Variants in LRRTM4 observed in about 807,000 individuals in gnomAD.
The protein encoded by LRRTM4 is leucine-rich repeat transmembrane neuronal protein 4.
In LRRTM4, 25 loss-of-function variants were observed where a neutral mutation model predicts 47.6. That is an observed-to-expected ratio of 0.53 (90% CI 0.38 to 0.73). The LOEUF is 0.73. Among genes scored for constraint, LRRTM4 ranks in the 30% least tolerant of loss-of-function variants. The pLI, the probability that LRRTM4 is intolerant of heterozygous loss-of-function variation, is 0.00. For missense variants in LRRTM4, 638 were observed against 713.4 expected (o/e 0.89, Z 1.20); for synonymous variants, 311 against 269.5 (o/e 1.15, Z -1.51).
chr2:77,369,089 A>T (rs11126605), intron 3 of LRRTM4, among the ~76,000 whole-genome samples: 79,747 of 151,482 alleles, frequency 0.53, 21,356 homozygotes, highest in East Asian at 0.86. Flanking sequence ...ACCCTGAAAA[A>T]TAGTGATGTT....
chr2:77,054,379 A>C (rs935557535), intron 3 of LRRTM4, among the ~76,000 whole-genome samples: 1 of 152,240 alleles, frequency 6.6e-6, no homozygotes, highest in Non-Finnish European at 1.5e-5. Flanking sequence ...GTTTTCCAGC[A>C]GCAGCCACTC....
chr2:77,283,984 A>G (rs1400214687), intron 3 of LRRTM4, among the ~76,000 whole-genome samples: 1 of 152,078 alleles, frequency 6.6e-6, no homozygotes, highest in Non-Finnish European at 1.5e-5. Flanking sequence ...TAAAAGTTGA[A>G]AAAAGTTTGA....
At chr2:77,183,939 G>C (rs923284180) in intron 3 of LRRTM4, among the ~76,000 whole-genome samples, 1 of 152,212 alleles carries the variant, frequency 6.6e-6, no homozygotes, top group East Asian at 1.9e-4. Context: ...TCGTGGGTTG[G>C]GGAGAGGGGG....
At chr2:77,285,677 G>A (rs1676635955) in intron 3 of LRRTM4, among the ~76,000 whole-genome samples, 1 of 151,962 alleles carries the variant, frequency 6.6e-6, no homozygotes, top group African/African-American at 2.4e-5. Flanking sequence ...CAGAGGCAGA[G>A]GCTGCAGTGA....
At chr2:77,141,001 G>C (rs1279673119) in intron 3 of LRRTM4, among the ~76,000 whole-genome samples, 1 of 152,148 alleles carries the variant, frequency 6.6e-6, no homozygotes, top group Non-Finnish European at 1.5e-5. Context: ...TGGAGAAATA[G>C]GAACAGTTTT....
intron 3 of LRRTM4, among the ~76,000 whole-genome samples, chr2:77,496,329 G>C (rs1275358120): frequency 2.0e-5 from 3 of 151,410 alleles, no homozygotes; most frequent in Non-Finnish European, 3.0e-5. Context: ...TCTTTTTCTT[G>C]AATTATTGCA....
chr2:77,020,578 A>C (rs1179625728), intron 3 of LRRTM4, among the ~76,000 whole-genome samples: 2 of 150,106 alleles, frequency 1.3e-5, no homozygotes, highest in African/African-American at 5.0e-5. Context: ...GGCATGATAT[A>C]AACACAAATT....
intron 3 of LRRTM4, among the ~76,000 whole-genome samples, chr2:77,001,015 G>A (rs1243507906): frequency 6.6e-6 from 1 of 152,064 alleles, no homozygotes; most frequent in Non-Finnish European, 1.5e-5. Context: ...AACAGAACCT[G>A]ACACACAAAT....
chr2:77,009,683 T>C (rs980165350), intron 3 of LRRTM4: 2 of 152,060 alleles, frequency 1.3e-5, no homozygotes, highest in African/African-American at 2.4e-5. Flanking sequence ...AGTAGCCACA[T>C]CTTGATTCTT....
chr2:77,461,191 T>A (rs1032917658), intron 3 of LRRTM4, among the ~76,000 whole-genome samples: 1 of 151,388 alleles, frequency 6.6e-6, no homozygotes, highest in Non-Finnish European at 1.5e-5. Flanking sequence ...GACCTTGAAG[T>A]CTTTTCCTCT....
intron 3 of LRRTM4, among the ~76,000 whole-genome samples, chr2:77,065,518 A>G (rs1679922755): frequency 6.6e-6 from 1 of 152,198 alleles, no homozygotes; most frequent in Non-Finnish European, 1.5e-5. Context: ...GCAAATAAAT[A>G]CCACTATTAC....
chr2:77,162,342 C>A (rs975492052), intron 3 of LRRTM4, among the ~76,000 whole-genome samples: 1 of 152,162 alleles, frequency 6.6e-6, no homozygotes, highest in African/African-American at 2.4e-5. Context: ...TTGGGTGGAG[C>A]CCAACACAGC....
At chr2:76,995,363 C>T (rs151118365) in intron 3 of LRRTM4, among the ~76,000 whole-genome samples, 1 of 152,106 alleles carries the variant, frequency 6.6e-6, no homozygotes, top group East Asian at 1.9e-4. Flanking sequence ...ATTGCTGTAA[C>T]TATATGTGGA....
At position 77,518,473 on chromosome 2, in the gene LRRTM4, G is replaced by T. The variant is rs543502612; in HGVS notation, c.1396C>A (p.Arg466=). The T allele has an allele frequency of 1.4e-4, 229 of 1,613,350 alleles. 2 individuals are homozygous for T. The South Asian group carries it at 2.2e-3, about 15-fold the overall frequency. The change falls in exon 3 of 4, where the codon CGG becomes AGG. Residue 466 remains arginine (R), a synonymous_variant. Coordinates refer to ENST00000409884, the MANE Select transcript of LRRTM4 (RefSeq NM_001134745.3). ...TCAGACTCTCTGGCCTTTTTCCGCC[G>T]CCTCTTCATAAGAGAGTGTTGCTGG... ...QLQQHSLMKR[R]RKKARESERQ... is the part of the protein sequence containing the mutation.
chr2:77,174,621 G>A (rs1673140531), intron 3 of LRRTM4, among the ~76,000 whole-genome samples: 2 of 152,142 alleles, frequency 1.3e-5, no homozygotes, highest in Admixed American at 6.5e-5. Context: ...GAGGGAATAA[G>A]GAGGGAGGCT....
chr2:77,363,498 C>G (rs1672319430), intron 3 of LRRTM4, among the ~76,000 whole-genome samples: 1 of 152,138 alleles, frequency 6.6e-6, no homozygotes, highest in African/African-American at 2.4e-5. Flanking sequence ...TCTCACTGAA[C>G]AGAGGCAGTG....
At chr2:77,011,532 T>TGC (rs200071015) in intron 3 of LRRTM4, among the ~76,000 whole-genome samples, 178 of 8,018 alleles carry the variant, frequency 0.022, 1 homozygote, top group East Asian at 0.047. Flanking sequence ...AAGAAGCATT[T>TGC]GTGTGTGTGT....
chr2:77,402,150 T>TC (rs755816920), intron 3 of LRRTM4, among the ~76,000 whole-genome samples: 41 of 152,002 alleles, frequency 2.7e-4, no homozygotes, highest in Non-Finnish European at 5.2e-4. Context: ...TTAATTTTTA[T>TC]TCTAAAAATG....
chr2:77,343,823 G>T (rs1381049251), intron 3 of LRRTM4, among the ~76,000 whole-genome samples: 1 of 151,818 alleles, frequency 6.6e-6, no homozygotes. Context: ...TAAATATGCA[G>T]GTGGTCAGGG....
Sources: allele counts gnomAD v4.1 joint callset (sites outside exome capture counted in the v4.1 genomes callset), GRCh38; gene constraint gnomAD v4.1.1; transcripts MANE v1.5; gene names NCBI Gene and HGNC (gene_info 2026-07-23, HGNC 2026-07-21).